The following GPR89B variants were observed in gnomAD, a reference collection of about 807,000 sequenced individuals.
The protein encoded by GPR89B is golgi pH regulator B, also known as G protein-coupled receptor 89B.
In GPR89B, 25 loss-of-function variants were observed where a neutral mutation model predicts 52.4. The observed-to-expected ratio is 0.48, with a 90% confidence interval of 0.35 to 0.67. The LOEUF (loss-of-function observed/expected upper bound fraction) is 0.67. Ranked by LOEUF, GPR89B falls within the 30% of genes least tolerant of loss-of-function variation. The pLI is 0.01. For missense variants in GPR89B, 146 were observed against 450.2 expected (o/e 0.32, Z 6.11); for synonymous variants, 52 against 151.2 (o/e 0.34, Z 4.81).
chr1:147,947,008 A>G (rs1655026075), intron 5 of GPR89B, among the ~76,000 whole-genome samples: 1 of 152,028 alleles, frequency 6.6e-6, no homozygotes, highest in South Asian at 2.1e-4. Context: ...GACTGTCCCA[A>G]CAACCAGTAT....
At chr1:147,957,354 T>G (rs2149063613) in intron 7 of GPR89B, among the ~76,000 whole-genome samples, 1 of 151,540 alleles carries the variant, frequency 6.6e-6, no homozygotes, top group South Asian at 2.1e-4. Flanking sequence ...AAAATAGAGG[T>G]AATAATAATG....
the GPR89B span, among the ~76,000 whole-genome samples, chr1:147,999,888 A>T: frequency 4.6e-5 from 7 of 152,164 alleles, no homozygotes; most frequent in African/African-American, 1.7e-4. Flanking sequence ...CCCCTCTCTT[A>T]CAACTAAGGA....
At chr1:147,979,532 C>T (rs1242461157) in intron 10 of GPR89B, among the ~76,000 whole-genome samples, 2 of 152,116 alleles carry the variant, frequency 1.3e-5, no homozygotes, top group East Asian at 3.9e-4. Flanking sequence ...CCTAGATGCC[C>T]TTTATCAGGT....
At chr1:147,933,515 C>T (rs4950500) in intron 1 of GPR89B, among the ~76,000 whole-genome samples, 3 of 152,156 alleles carry the variant, frequency 2.0e-5, no homozygotes, top group East Asian at 3.9e-4. Context: ...GATATCTTGA[C>T]CCATCTTGCT....
rs1303382237 is a variant in GPR89B, at chr1:147,964,247, T to TA, written c.618-2299dup. ...CTACAATTATTTCAAAAAGTTTAAC[T>TA]AAAAAAAAGTAATGGCTGACTTCCT... On this transcript the variant is annotated intron_variant, in intron 7 of 13. Coordinates refer to ENST00000314163, the MANE Select transcript of GPR89B (RefSeq NM_016334.5). 7.3e-5 allele frequency among the ~76,000 whole-genome samples: 11 copies of TA among 151,528 alleles called. No homozygotes were observed. In the South Asian group the frequency reaches 1.7e-3, roughly 23 times the overall value.
chr1:147,931,341 A>G (rs150282893), intron 1 of GPR89B, among the ~76,000 whole-genome samples: 2,205 of 152,218 alleles, frequency 0.014, 46 homozygotes, highest in East Asian at 0.047. Flanking sequence ...CTATACCGTC[A>G]TAAGACTTAT....
the GPR89B span, among the ~76,000 whole-genome samples, chr1:148,003,076 C>A: frequency 6.6e-6 from 1 of 152,178 alleles, no homozygotes; most frequent in Non-Finnish European, 1.5e-5. Context: ...GACTCCTTGA[C>A]TAAAGAATTC....
intron 12 of GPR89B, among the ~76,000 whole-genome samples, chr1:147,991,988 C>G (rs1659104128): frequency 6.6e-6 from 1 of 152,064 alleles, no homozygotes; most frequent in South Asian, 2.1e-4. Flanking sequence ...GATACCAAAG[C>G]CTGAATTCAA....
At chr1:147,934,859 A>G (rs1477303816) in intron 1 of GPR89B, among the ~76,000 whole-genome samples, 14 of 152,294 alleles carry the variant, frequency 9.2e-5, no homozygotes, top group Non-Finnish European at 1.5e-4. Context: ...CATAGGAGTT[A>G]TTACAGAAAA....
chr1:147,961,444 A>C (rs1303593028), intron 7 of GPR89B, among the ~76,000 whole-genome samples: 1 of 152,268 alleles, frequency 6.6e-6, no homozygotes, highest in Non-Finnish European at 1.5e-5. Context: ...TGATACATAC[A>C]GGGCAACAAT....
intron 1 of GPR89B, among the ~76,000 whole-genome samples, chr1:147,935,567 C>T (rs587738611): frequency 1.2e-4 from 19 of 152,186 alleles, no homozygotes; most frequent in Non-Finnish European, 1.8e-4. Context: ...TGCAATCTCT[C>T]GGCTTTACAC....
chr1:147,946,406 T>C (rs1553249781), intron 5 of GPR89B, among the ~76,000 whole-genome samples: 1 of 152,104 alleles, frequency 6.6e-6, no homozygotes, highest in African/African-American at 2.4e-5. Context: ...GTTTACTACT[T>C]TAACACTCTG....
chr1:148,007,360 C>T, the GPR89B span, among the ~76,000 whole-genome samples: 4 of 152,152 alleles, frequency 2.6e-5, no homozygotes, highest in Non-Finnish European at 5.9e-5. Flanking sequence ...CAGGCGTGAG[C>T]CACTGCGCCC....
intron 12 of GPR89B, among the ~76,000 whole-genome samples, chr1:147,990,851 G>C (rs1202635282): frequency 5.3e-5 from 8 of 151,538 alleles, no homozygotes; most frequent in Admixed American, 1.3e-4. Context: ...GGTTACTGTA[G>C]CCTTGTAGTA....
intron 7 of GPR89B, among the ~76,000 whole-genome samples, chr1:147,961,453 A>C (rs1469488805): frequency 6.6e-6 from 1 of 152,288 alleles, no homozygotes; most frequent in Non-Finnish European, 1.5e-5. Context: ...CAGGGCAACA[A>C]TGGGAAAAAA....
intron 10 of GPR89B, among the ~76,000 whole-genome samples, chr1:147,980,672 C>CA (rs1357132084): frequency 2.0e-5 from 3 of 150,492 alleles, no homozygotes; most frequent in Admixed American, 6.6e-5. Flanking sequence ...TTTATCAAGC[C>CA]AAAAAGAAAT....
the GPR89B span, chr1:148,012,372 G>A: frequency 5.3e-5 from 8 of 151,892 alleles, no homozygotes; most frequent in Non-Finnish European, 7.4e-5. Context: ...AACTCTTAGC[G>A]TCCCCGGATT....
chr1:148,017,517 G>A, the GPR89B span, among the ~76,000 whole-genome samples: 2 of 149,788 alleles, frequency 1.3e-5, no homozygotes, highest in Non-Finnish European at 3.0e-5. Context: ...GGTGGATCAC[G>A]AGGTCAGGAG....
chr1:147,939,887 C>A (rs1461038849), intron 3 of GPR89B, among the ~76,000 whole-genome samples: 2 of 151,476 alleles, frequency 1.3e-5, no homozygotes, highest in Non-Finnish European at 2.9e-5. Context: ...GTAGTGCCAG[C>A]TACCCTGGAG....
Sources: allele counts gnomAD v4.1 joint callset (sites outside exome capture counted in the v4.1 genomes callset), GRCh38; gene constraint gnomAD v4.1.1; transcripts MANE v1.5; gene names NCBI Gene and HGNC (gene_info 2026-07-23, HGNC 2026-07-21).